Variants in DPYD observed in about 807,000 individuals in gnomAD.
DPYD encodes dihydropyrimidine dehydrogenase [NADP(+)].
Under a neutral mutation model 116.2 loss-of-function variants are expected in DPYD, and 109 were observed. The observed-to-expected ratio is 0.94, with a 90% CI of 0.80 to 1.10. The LOEUF is 1.10. Ranked by LOEUF, DPYD falls within the 50% of genes least tolerant of loss-of-function variation. DPYD has a pLI of 0.00. For synonymous variants in DPYD, 440 were observed against 432.0 expected (o/e 1.02, Z -0.23); for missense variants, 1,302 against 1,254.5 (o/e 1.04, Z -0.57).
At chr1:97,212,206 C>T (rs1660078348) in intron 19 of DPYD, among the ~76,000 whole-genome samples, 1 of 152,102 alleles carries the variant, frequency 6.6e-6, no homozygotes, top group African/African-American at 2.4e-5. Context: ...TTCTTGCATC[C>T]TTTAGCAGCC....
At chr1:97,568,504 G>A (rs955327092) in intron 11 of DPYD, among the ~76,000 whole-genome samples, 25 of 152,096 alleles carry the variant, frequency 1.6e-4, no homozygotes, top group Middle Eastern at 3.4e-3. Flanking sequence ...TCATTAAGAC[G>A]ATGAAGTTAG....
chr1:97,706,548 T>A (rs1191505396), intron 5 of DPYD, among the ~76,000 whole-genome samples: 1 of 152,070 alleles, frequency 6.6e-6, no homozygotes, highest in Non-Finnish European at 1.5e-5. Flanking sequence ...TCCCCAGCAA[T>A]CACTGGTCTT....
At chr1:97,253,099 A>G (rs1405627459) in intron 18 of DPYD, among the ~76,000 whole-genome samples, 1 of 152,188 alleles carries the variant, frequency 6.6e-6, no homozygotes, top group African/African-American at 2.4e-5. Flanking sequence ...AAAACGGGCT[A>G]TCACTCTAAA....
At chr1:97,104,764 C>T (rs559831697) in intron 20 of DPYD, among the ~76,000 whole-genome samples, 4 of 152,190 alleles carry the variant, frequency 2.6e-5, no homozygotes, top group Middle Eastern at 3.4e-3. Context: ...TCTGTTCCAT[C>T]GTTCATAAGC....
intron 1 of DPYD, among the ~76,000 whole-genome samples, chr1:97,895,852 CAGT>C (rs1673036106): frequency 6.6e-6 from 1 of 151,640 alleles, no homozygotes; most frequent in Non-Finnish European, 1.5e-5. Flanking sequence ...TCCATTTAAA[CAGT>C]AGTATTAGCT....
chr1:97,812,098 C>T (rs925846887), intron 3 of DPYD, among the ~76,000 whole-genome samples: 3 of 152,222 alleles, frequency 2.0e-5, no homozygotes, highest in African/African-American at 7.2e-5. Flanking sequence ...AATCTTCCCT[C>T]ATGATTTTAG....
intron 3 of DPYD, among the ~76,000 whole-genome samples, chr1:97,819,005 T>G (rs1668779913): frequency 6.6e-6 from 1 of 151,898 alleles, no homozygotes; most frequent in Non-Finnish European, 1.5e-5. Context: ...TCAATGATAT[T>G]TATTAGGGCA....
At chr1:97,741,748 T>C (rs1257220250) in intron 3 of DPYD, among the ~76,000 whole-genome samples, 1 of 152,118 alleles carries the variant, frequency 6.6e-6, no homozygotes, top group Non-Finnish European at 1.5e-5. Context: ...TTGAATGAAG[T>C]ACAGACACAG....
At chr1:97,413,019 A>G (rs1352598677) in intron 14 of DPYD, among the ~76,000 whole-genome samples, 5 of 152,206 alleles carry the variant, frequency 3.3e-5, no homozygotes, top group Non-Finnish European at 7.3e-5. Flanking sequence ...ATCCATGATC[A>G]TGAATGCCTA....
intron 19 of DPYD, among the ~76,000 whole-genome samples, chr1:97,199,260 T>TTTTCCAAGCAGGACTTTTAA (rs1379252926): frequency 6.6e-6 from 1 of 152,130 alleles, no homozygotes; most frequent in Non-Finnish European, 1.5e-5. Flanking sequence ...AGCTTGGACT[T>TTTTCCAAGCAGGACTTTTAA]GAAGTCCTGT....
intron 20 of DPYD, among the ~76,000 whole-genome samples, chr1:97,173,182 ATATATATGTG>A (rs1360940449): frequency 4.7e-5 from 7 of 149,786 alleles, no homozygotes; most frequent in African/African-American, 1.7e-4. Context: ...ACATGTATAC[ATATATATGTG>A]TATATATGTG....
At chr1:97,546,910 G>T in intron 12 of DPYD, 1 of 1,608,858 alleles carries the variant, frequency 6.2e-7, no homozygotes. Context: ...GGACAGTGAG[G>T]GCTTTGAAGA....
chr1:97,104,010 C>T (rs531313508), intron 20 of DPYD, among the ~76,000 whole-genome samples: 1 of 152,198 alleles, frequency 6.6e-6, no homozygotes, highest in Admixed American at 6.6e-5. Context: ...GCTCAGTCTT[C>T]ATAACACCTA....
In DPYD at chr1:97,431,159, T is replaced by C. The variant is rs532830478; in HGVS notation, c.1905+18900A>G. On this transcript the variant is annotated intron_variant, in intron 14 of 22. Transcript: ENST00000370192. ...AACAAAGAAAAAAGATTCTTACACA[T>C]AGAGAAAAAATGTTTTGTGAGAAAA... Among the ~76,000 whole-genome samples, 488 of 152,168 alleles carry C rather than the reference T, an allele frequency of 3.2e-3. 2 individuals carry two copies. The highest frequency in any genetic ancestry group is 0.011 in the African/African-American group (450 of 41,520).
At chr1:97,556,359 CT>C (rs1340867429) in intron 11 of DPYD, among the ~76,000 whole-genome samples, 8 of 148,210 alleles carry the variant, frequency 5.4e-5, no homozygotes, top group Admixed American at 2.7e-4. Context: ...TGATTTTTTT[CT>C]TTTTTTTATT....
intron 12 of DPYD, among the ~76,000 whole-genome samples, chr1:97,547,112 C>A (rs891123467): frequency 6.6e-6 from 1 of 152,048 alleles, no homozygotes; most frequent in South Asian, 2.1e-4. Context: ...TATAACTAGG[C>A]AGTGGCAGTG....
At chr1:97,402,885 T>TTAG (rs1673448878) in intron 14 of DPYD, among the ~76,000 whole-genome samples, 1 of 151,852 alleles carries the variant, frequency 6.6e-6, no homozygotes, top group Admixed American at 6.6e-5. Flanking sequence ...TTTTTCTTTT[T>TTAG]TAGTCTGTTG....
At chr1:97,329,216 C>A (rs1436700580) in intron 16 of DPYD, among the ~76,000 whole-genome samples, 1 of 152,006 alleles carries the variant, frequency 6.6e-6, no homozygotes, top group African/African-American at 2.4e-5. Context: ...GAAATGCTAC[C>A]AATTTGAATA....
intron 1 of DPYD, among the ~76,000 whole-genome samples, chr1:97,914,987 T>C (rs902663040): frequency 6.6e-6 from 1 of 152,174 alleles, no homozygotes; most frequent in East Asian, 1.9e-4. Context: ...TGCCAATTGA[T>C]GTTTATATAA....
Sources: allele counts gnomAD v4.1 joint callset (sites outside exome capture counted in the v4.1 genomes callset), GRCh38; gene constraint gnomAD v4.1.1; transcripts MANE v1.5; gene names NCBI Gene and HGNC (gene_info 2026-07-23, HGNC 2026-07-21).